Variants in GSE1 observed in about 807,000 individuals in gnomAD.
GSE1 encodes Gse1 coiled-coil protein.
A neutral mutation model predicts 112.6 loss-of-function variants in GSE1; 32 were observed. The observed-to-expected ratio is 0.28, with a 90% CI of 0.21 to 0.38. The LOEUF is 0.38. Among genes scored for constraint, GSE1 ranks in the 10% least tolerant of loss-of-function variants. GSE1 has a pLI of 1.00. For synonymous variants in GSE1, 1,115 were observed against 735.6 expected (o/e 1.52, Z -8.35); for missense variants, 2,348 against 1,699.2 (o/e 1.38, Z -6.71).
At position 85,658,848 on chromosome 16, in the gene GSE1, C is replaced by T. The variant is rs1251235860; in HGVS notation, c.1640+1244C>T. Among the ~76,000 whole-genome samples the T allele has an allele frequency of 1.2e-4, 18 of 152,232 alleles. 1 individual carries two copies. The highest frequency in any genetic ancestry group is 8.8e-5 in the Non-Finnish European group (6 of 68,032). On this transcript the variant is annotated intron_variant, in intron 8 of 15. Transcript: ENST00000253458. Reference sequence around the variant, plus strand: ...CAGGGCCCCAGCACAGGTGTTGTGACTTTGCCCACCCATGGACTGCTTCCA... The same window carrying T: ...CAGGGCCCCAGCACAGGTGTTGTGATTTTGCCCACCCATGGACTGCTTCCA...
chr16:85,530,028 A>G (rs1278170592), intron 2 of GSE1, among the ~76,000 whole-genome samples: 3 of 152,156 alleles, frequency 2.0e-5, no homozygotes, highest in East Asian at 3.9e-4. Flanking sequence ...GCAGTGCACA[A>G]CCTGCCCGCA....
At chr16:85,227,985 G>C (rs1206821302) in intron 1 of GSE1, among the ~76,000 whole-genome samples, 1 of 152,236 alleles carries the variant, frequency 6.6e-6, no homozygotes, top group Non-Finnish European at 1.5e-5. Context: ...CTCAGGAGGG[G>C]GTGTGGTGGG....
intron 2 of GSE1, among the ~76,000 whole-genome samples, chr16:85,478,885 TTCTTTCTTTCTTTCTTTCTTTC>T (rs2050560004): frequency 1.5e-5 from 1 of 66,580 alleles, no homozygotes; most frequent in Non-Finnish European, 2.6e-5. Flanking sequence ...CTTTCTTTCT[TTCTTTCTTTCTTTCTTTCTTTC>T]TTTCTTTCTT....
At chr16:85,649,496 C>T (rs1246163721) in intron 3 of GSE1, among the ~76,000 whole-genome samples, 3 of 152,218 alleles carry the variant, frequency 2.0e-5, no homozygotes, top group South Asian at 2.1e-4. Flanking sequence ...CCCAAGTTTT[C>T]GGGGCTCCTT....
chr16:85,233,239 G>A (rs572512427), intron 1 of GSE1, among the ~76,000 whole-genome samples: 1 of 152,392 alleles, frequency 6.6e-6, no homozygotes, highest in East Asian at 1.9e-4. Context: ...TGTCAGCCAA[G>A]CACTCATTCA....
At chr16:85,611,597 C>T (rs1243395255), upstream of GSE1, 2 of 571,020 alleles carry the variant, frequency 3.5e-6, no homozygotes, top group Non-Finnish European at 4.4e-6. Context: ...GTGGTCTGCC[C>T]GGAGCCTTGT....
intron 2 of GSE1, among the ~76,000 whole-genome samples, chr16:85,430,698 C>T (rs985106074): frequency 1.3e-5 from 2 of 152,200 alleles, no homozygotes; most frequent in Admixed American, 6.5e-5. Context: ...GGGCACAGGG[C>T]GGCGGCAGTC....
chr16:85,251,540 C>T (rs1429558022), intron 1 of GSE1, among the ~76,000 whole-genome samples: 2 of 152,212 alleles, frequency 1.3e-5, no homozygotes, highest in African/African-American at 4.8e-5. Context: ...CTCCGCCTGA[C>T]CCAGAAACCA....
At chr16:85,170,015 C>T (rs1290778310) in exon 1 of GSE1, 77 of 984,502 alleles carry the variant, frequency 7.8e-5, no homozygotes, top group South Asian at 1.4e-4. Context: ...CTGCGCGGGG[C>T]CGCGGAGGAG....
At chr16:85,616,027 GC>G (rs2048348927) in intron 1 of GSE1, among the ~76,000 whole-genome samples, 1 of 152,240 alleles carries the variant, frequency 6.6e-6, no homozygotes, top group Non-Finnish European at 1.5e-5. Context: ...AAGTTCAGGG[GC>G]TGCAGATCTG....
intron 2 of GSE1, among the ~76,000 whole-genome samples, chr16:85,420,129 A>G (rs1221128004): frequency 2.0e-5 from 3 of 152,004 alleles, no homozygotes; most frequent in Non-Finnish European, 2.9e-5. Context: ...GCTCATGCCT[A>G]TAATCCCAGT....
At chr16:85,660,832 A>T (rs955842312) in intron 8 of GSE1, among the ~76,000 whole-genome samples, 3 of 151,954 alleles carry the variant, frequency 2.0e-5, no homozygotes, top group African/African-American at 7.2e-5. Flanking sequence ...GGGTTTCACC[A>T]TGTTGGCCAG....
At chr16:85,206,008 A>C (rs530312597) in intron 1 of GSE1, among the ~76,000 whole-genome samples, 1 of 152,290 alleles carries the variant, frequency 6.6e-6, no homozygotes, top group East Asian at 1.9e-4. Context: ...AAATCACACA[A>C]ACAAATGTCA....
chr16:85,235,966 C>T (rs1426159760), intron 1 of GSE1, among the ~76,000 whole-genome samples: 1 of 152,072 alleles, frequency 6.6e-6, no homozygotes, highest in Non-Finnish European at 1.5e-5. Context: ...GGCGCCCCCT[C>T]CGGCGCCGGG....
chr16:85,663,717 C>T, intron 11 of GSE1, 103 bp downstream of exon 11: 1 of 1,187,596 alleles, frequency 8.4e-7, no homozygotes, highest in Non-Finnish European at 1.2e-6. Flanking sequence ...TCTGCGATCA[C>T]TGAGCCTGAG....
chr16:85,637,107 G>A (rs2050067300), intron 2 of GSE1, among the ~76,000 whole-genome samples: 1 of 152,240 alleles, frequency 6.6e-6, no homozygotes, highest in African/African-American at 2.4e-5. Context: ...ACACAGTTGT[G>A]TGACCATCTA....
At chr16:85,279,232 T>C in intron 1 of GSE1, among the ~76,000 whole-genome samples, 2 of 152,148 alleles carry the variant, frequency 1.3e-5, no homozygotes, top group East Asian at 3.8e-4. Flanking sequence ...GGAGAAAGCG[T>C]ATTTTCCTGT....
intron 1 of GSE1, among the ~76,000 whole-genome samples, chr16:85,327,960 C>T (rs985430448): frequency 6.6e-5 from 10 of 152,188 alleles, no homozygotes; most frequent in African/African-American, 2.4e-4. Flanking sequence ...CCCCCACCCC[C>T]AGATCGCCTG....
At chr16:85,587,498 C>T (rs1055368860) in intron 1 of GSE1, among the ~76,000 whole-genome samples, 3 of 152,078 alleles carry the variant, frequency 2.0e-5, no homozygotes, top group South Asian at 2.1e-4. Context: ...GGAGGGACAC[C>T]GTGCACCTGC....
Sources: gnomAD v4.1 joint callset for allele counts (sites outside exome capture counted in the v4.1 genomes callset) on GRCh38, gnomAD v4.1.1 for gene constraint, MANE v1.5 for transcripts, NCBI Gene and HGNC (gene_info 2026-07-23, HGNC 2026-07-21) for gene names.